ZBTB40: variants seen among roughly 807,000 people sequenced by gnomAD.
ZBTB40 encodes the protein zinc finger and BTB domain-containing protein 40.
ZBTB40 carries 60 observed loss-of-function variants against 117.5 expected under a neutral mutation model. The observed-to-expected ratio is 0.51, with a 90% confidence interval of 0.41 to 0.63. ZBTB40 has a LOEUF of 0.63. ZBTB40 is among the 30% of genes least tolerant of loss of function. The probability of loss-of-function intolerance (pLI) is 0.00; values close to 1 mark genes in which losing one functional copy is unlikely to be tolerated. For synonymous variants in ZBTB40, 525 were observed against 577.1 expected, an observed-to-expected ratio of 0.91 and a Z score of 1.29; for missense variants, 1,287 against 1,498.5, an observed-to-expected ratio of 0.86 and a Z score of 2.33.
In ZBTB40 at chr1:22,520,207, G is replaced by A; in HGVS notation, c.2980G>A (p.Glu994Lys). The A allele has an allele frequency of 6.2e-7, 1 of 1,614,026 alleles. No homozygotes were observed. ...GKIFSAPSML[E>K]RHVVTHVGGK... ...GATCTTCAGTGCCCCGTCCATGCTG[G>A]AGCGGCACGTGGTGACCCACGTTGG... The change falls in exon 14 of 18, where the codon GAG (glutamate) becomes AAG (lysine). Residue 994 changes from glutamate (E) to lysine (K), a missense_variant. Coordinates refer to ENST00000375647, the MANE Select transcript of ZBTB40 (RefSeq NM_014870.4).
rs777885839 is a variant in ZBTB40 at position 22,502,447 on chromosome 1, T to C, written c.1167+6T>C. 6.2e-7 allele frequency: 1 copy of C among 1,613,970 alleles called. No homozygotes were observed. Among genetic ancestry groups the C allele is most frequent in the South Asian group, 1.1e-5 (1 of 91,078 alleles). On this transcript the variant is annotated splice_donor_region_variant and intron_variant, in intron 5 of 17. Coordinates refer to ENST00000375647, the MANE Select transcript of ZBTB40 (RefSeq NM_014870.4). Reference sequence around the variant, plus strand: ...TGACTGGCACTGAAAAAAGGGTAACTGTGTCAAGTGTCTCCTCCCTCCTCC... The same window carrying C: ...TGACTGGCACTGAAAAAAGGGTAACCGTGTCAAGTGTCTCCTCCCTCCTCC...
intron 1 of ZBTB40, among the ~76,000 whole-genome samples, chr1:22,485,073 C>T (rs531427509): frequency 6.6e-6 from 1 of 152,256 alleles, no homozygotes; most frequent in East Asian, 1.9e-4. Context: ...ATTTTTGCAT[C>T]TATCTTAACG....
Position 22,526,573 on chromosome 1 carries a change from G to A in ZBTB40, c.*177G>A. 1.3e-6 allele frequency: 1 copy of A among 786,020 alleles called. No individual in the cohort carries two copies. Among genetic ancestry groups the A allele is most frequent in the African/African-American group, 1.7e-5 (1 of 58,844 alleles). 48.7% of individuals were successfully genotyped at this position (786,020 alleles called of 1,614,324 possible). ...CTTCGTTGTTCTCATAGAACCAACA[G>A]CATCTGAGCCCTCAACACCAACAGC... On this transcript the variant is annotated 3_prime_UTR_variant, in exon 18 of 18. Transcript: ENST00000375647.
intron 10 of ZBTB40, 49 bp downstream of exon 10, chr1:22,511,396 T>G (rs200462157): frequency 5.7e-5 from 91 of 1,607,480 alleles, no homozygotes; most frequent in Non-Finnish European, 7.3e-5. Flanking sequence ...CACACCAGGT[T>G]GTTTCTTGAA....
Position 22,513,530 on chromosome 1 carries a change from C to T in ZBTB40, c.2668+400C>T, listed in dbSNP as rs1309950538. 6.6e-6 allele frequency among the ~76,000 whole-genome samples: 1 copy of T among 152,026 alleles called. No individual in the cohort carries two copies. The highest frequency in any genetic ancestry group is 1.5e-5 in the Non-Finnish European group (1 of 67,998). On this transcript the variant is annotated intron_variant, in intron 12 of 17. Coordinates refer to ENST00000375647, the MANE Select transcript of ZBTB40 (RefSeq NM_014870.4). The surrounding 1 kb of genome is among the most constrained non-coding windows in gnomAD (Gnocchi z 4.9). ...CCTGGCTAACATGGTGAAACCCCAT[C>T]TGTACTAAAAAATACAAAAAATTAG...
intron 3 of ZBTB40, among the ~76,000 whole-genome samples, chr1:22,496,851 A>G (rs919899035): frequency 6.6e-6 from 1 of 152,258 alleles, no homozygotes; most frequent in Non-Finnish European, 1.5e-5. Context: ...ACACAGTCAC[A>G]AGGTAAAGTC....
chr1:22,454,885 A>C (rs181361891), intron 1 of ZBTB40, among the ~76,000 whole-genome samples: 1 of 152,244 alleles, frequency 6.6e-6, no homozygotes, highest in Non-Finnish European at 1.5e-5. Flanking sequence ...TTTAGCTCCA[A>C]ATGGAAACTT....
intron 9 of ZBTB40, 33 bp downstream of exon 9, chr1:22,509,266 A>G (rs774308877): frequency 1.2e-6 from 2 of 1,613,856 alleles, no homozygotes; most frequent in South Asian, 2.2e-5. Flanking sequence ...AATGCCAGAG[A>G]GTTTTACAGT....
At chr1:22,432,551 T>C (rs1640606293) in intron 1 of ZBTB40, among the ~76,000 whole-genome samples, 1 of 152,258 alleles carries the variant, frequency 6.6e-6, no homozygotes, top group Non-Finnish European at 1.5e-5. Flanking sequence ...TTTCAAGTGT[T>C]TCATAGCCAT....
chr1:22,486,740 T>G (rs1638482907), intron 1 of ZBTB40, among the ~76,000 whole-genome samples: 1 of 151,874 alleles, frequency 6.6e-6, no homozygotes, highest in African/African-American at 2.4e-5. Context: ...TTGTTTTGTT[T>G]TGTTTTGTTT....
At chr1:22,452,812 T>C (rs1640913246) in intron 1 of ZBTB40, 1 of 152,374 alleles carries the variant, frequency 6.6e-6, no homozygotes, top group Non-Finnish European at 1.5e-5. Flanking sequence ...CTGGCTTCCC[T>C]TCTGGTCTTA....
intron 3 of ZBTB40, among the ~76,000 whole-genome samples, chr1:22,496,361 G>T (rs189551875): frequency 1.3e-5 from 2 of 152,238 alleles, no homozygotes; most frequent in Admixed American, 6.5e-5. Flanking sequence ...CAGAGATCCC[G>T]TTCTCATCCA....
chr1:22,433,653 C>A (rs1204768602), intron 1 of ZBTB40, among the ~76,000 whole-genome samples: 1 of 143,816 alleles, frequency 7.0e-6, no homozygotes, highest in Non-Finnish European at 1.5e-5. Context: ...CTAGGACTAC[C>A]CCTGTAGTCC....
intron 1 of ZBTB40, among the ~76,000 whole-genome samples, chr1:22,431,380 G>A (rs868270410): frequency 1.5e-3 from 23 of 15,236 alleles, no homozygotes; most frequent in African/African-American, 2.4e-3. Context: ...GTGTGTGTGT[G>A]TGTGTATATA....
rs1241092193 is a variant in ZBTB40, at chr1:22,517,434, G to A, written c.2803G>A (p.Gly935Ser). ...TGGCAAGGGCTTCCGGCAAGCCAATGGCCTCTCCATCCATCTGCACACCTT... is the reference window on the plus strand; with the variant it reads ...TGGCAAGGGCTTCCGGCAAGCCAATAGCCTCTCCATCCATCTGCACACCTT... ...DCGKGFRQAN[G>S]LSIHLHTFHN... is the part of the protein sequence containing the mutation. The change falls in exon 13 of 18, where the codon GGC (glycine) becomes AGC (serine). Residue 935 changes from glycine (G) to serine (S), a missense_variant. Transcript: ENST00000375647. The A allele has an allele frequency of 2.5e-6, 4 of 1,613,932 alleles. No individual in the cohort carries two copies. Among genetic ancestry groups the A allele is most frequent in the South Asian group, 1.1e-5 (1 of 91,088 alleles).
upstream of ZBTB40, among the ~76,000 whole-genome samples, chr1:22,449,197 G>A (rs2124372770): frequency 6.6e-6 from 1 of 152,200 alleles, no homozygotes. Context: ...GGAAACAGCT[G>A]GCAGTTTAGC....
chr1:22,480,454 G>C lies in ZBTB40; in HGVS notation c.-69-9426G>C, dbSNP rs2124417088. On this transcript the variant is annotated intron_variant, in intron 1 of 17. Coordinates refer to ENST00000375647, the MANE Select transcript of ZBTB40 (RefSeq NM_014870.4). The stretch of plus-strand genomic sequence containing the variant: ...TTTATAGATTTACTTTTCACATCCA[G>C]GTCTTCCTCATGTGGTTTGTAATTA... Among the ~76,000 whole-genome samples the C allele has an allele frequency of 2.0e-5, 3 of 152,176 alleles. No individual in the cohort carries two copies. The East Asian group carries it at 5.8e-4, about 29-fold the overall frequency.
Position 22,517,328 on chromosome 1 carries a change from T to C in ZBTB40, c.2697T>C (p.Asp899=). 1 of 1,614,198 alleles carries C rather than the reference T, an allele frequency of 6.2e-7. No homozygotes were observed. The highest frequency in any genetic ancestry group is 1.1e-5 in the South Asian group (1 of 91,084). The change falls in exon 13 of 18, where the codon GAT becomes GAC. Residue 899 remains aspartate (D), a synonymous_variant. Coordinates refer to ENST00000375647, the MANE Select transcript of ZBTB40 (RefSeq NM_014870.4). ...AAATGTATGCATGCCAGTACTGTGA[T>C]GCTGTGTTTGCCCAGTCTATTGAGC... The part of the protein sequence containing the change: ...EGKMYACQYC[D]AVFAQSIELS...
At position 22,490,598 on chromosome 1, in the gene ZBTB40, C is replaced by T; in HGVS notation, c.650C>T (p.Pro217Leu). 1 of 1,614,038 alleles carries T rather than the reference C, an allele frequency of 6.2e-7. No individual in the cohort carries two copies. The highest frequency in any genetic ancestry group is 8.5e-7 in the Non-Finnish European group (1 of 1,180,032). The change falls in exon 2 of 18, where the codon CCT becomes CTT. Residue 217 changes from proline to leucine, a missense_variant. Pro to Leu is a moderately conservative substitution (Grantham distance 98, BLOSUM62 -3). Coordinates refer to ENST00000375647, the MANE Select transcript of ZBTB40 (RefSeq NM_014870.4). ...PTTAEACSPSPAVQTFSEAKK... is the reference protein window; with the variant it reads ...PTTAEACSPSLAVQTFSEAKK... Reference sequence around the variant, plus strand: ...ACAGCTGAAGCTTGTTCCCCCTCCCCTGCTGTGCAAACCTTTAGTGAGGCA... The same window carrying T: ...ACAGCTGAAGCTTGTTCCCCCTCCCTTGCTGTGCAAACCTTTAGTGAGGCA...
Sources: gnomAD v4.1 joint callset for allele counts (sites outside exome capture counted in the v4.1 genomes callset) on GRCh38, gnomAD v4.1.1 for gene constraint, Gnocchi (gnomAD v3.1) non-coding constraint, MANE v1.5 for transcripts, NCBI Gene and HGNC (gene_info 2026-07-23, HGNC 2026-07-21) for gene names.